OTOGL: variants seen among roughly 807,000 people sequenced by gnomAD.
OTOGL encodes otogelin like.
OTOGL carries 285 observed loss-of-function variants against 318.5 expected under a neutral mutation model. The observed-to-expected ratio is 0.89, with a 90% CI of 0.81 to 0.99. The LOEUF (loss-of-function observed/expected upper bound fraction) is 0.99. OTOGL is among the 50% of genes least tolerant of loss of function. OTOGL has a pLI of 0.00. For missense variants in OTOGL, 2,899 were observed against 2,845.6 expected (o/e 1.02, Z -0.43); for synonymous variants, 987 against 936.5 (o/e 1.05, Z -0.99).
intron 1 of OTOGL, among the ~76,000 whole-genome samples, chr12:80,116,472 G>A (rs376599531): frequency 6.6e-6 from 1 of 152,092 alleles, no homozygotes. Context: ...CCTGGGAACT[G>A]CATATAGGAG....
chr12:80,270,452 A>G (rs1397546745), intron 23 of OTOGL, among the ~76,000 whole-genome samples: 5 of 152,178 alleles, frequency 3.3e-5, no homozygotes, highest in African/African-American at 1.2e-4. Flanking sequence ...GACTTTAGGG[A>G]TATGTATCTA....
At chr12:80,249,831 G>C (rs976766522) in intron 11 of OTOGL, among the ~76,000 whole-genome samples, 1 of 152,112 alleles carries the variant, frequency 6.6e-6, no homozygotes, top group African/African-American at 2.4e-5. Flanking sequence ...CGTGGGCGTA[G>C]GACCCTCCGA....
At chr12:80,227,878 T>A (rs1374504937) in intron 7 of OTOGL, among the ~76,000 whole-genome samples, 4 of 152,152 alleles carry the variant, frequency 2.6e-5, no homozygotes, top group Admixed American at 2.6e-4. Context: ...CCCCCAGACC[T>A]TGACACATAC....
chr12:80,162,773 CA>C (rs1336051142), intron 1 of OTOGL, among the ~76,000 whole-genome samples: 1 of 152,052 alleles, frequency 6.6e-6, no homozygotes, highest in Non-Finnish European at 1.5e-5. Flanking sequence ...ACTATACCTT[CA>C]AATAATGTTA....
At chr12:80,187,814 C>G (rs184594482) in intron 1 of OTOGL, among the ~76,000 whole-genome samples, 1 of 152,266 alleles carries the variant, frequency 6.6e-6, no homozygotes, top group Non-Finnish European at 1.5e-5. Flanking sequence ...CAGATACAAG[C>G]TTGGCACCAT....
chr12:80,301,633 A>G (rs549900217), intron 27 of OTOGL, among the ~76,000 whole-genome samples: 2 of 152,254 alleles, frequency 1.3e-5, no homozygotes, highest in African/African-American at 2.4e-5. Flanking sequence ...CCCAAACCCT[A>G]TACCTTGCTG....
Position 80,370,660 on chromosome 12 carries a change from C to T in OTOGL, c.6706C>T (p.Pro2236Ser), listed in dbSNP as rs1213401293. Residue 2236 changes from proline to serine, a missense_variant, in exon 56 of 59, where the codon CCC (proline) becomes TCC (serine). Coordinates refer to ENST00000547103, the MANE Select transcript of OTOGL (RefSeq NM_001378609.3). ...AIILNYTMVCPPFNETECKMN... is the reference protein window; with the variant it reads ...AIILNYTMVCSPFNETECKMN... ...AATTCTGAACTACACAATGGTCTGT[C>T]CCCCTTTTAATGAGACTGAATGCAA... is the stretch of plus-strand genomic sequence containing the variant. 4 of 1,590,514 alleles carry T rather than the reference C, an allele frequency of 2.5e-6. No individual in the cohort carries two copies. Among genetic ancestry groups the T allele is most frequent in the East Asian group, 4.6e-5 (2 of 43,940 alleles).
At position 80,318,637 on chromosome 12, in the gene OTOGL, G is replaced by T. The variant is rs1186018789; in HGVS notation, c.3726G>T (p.Leu1242Phe). Residue 1242 changes from leucine to phenylalanine, a missense_variant, in exon 33 of 59, where the codon TTG (leucine) becomes TTT (phenylalanine). Leu to Phe is a conservative substitution (Grantham distance 22). Transcript: ENST00000547103. ...TGACCAGCAGAAGCGTTTTCTGTTT[G>T]CCGAGAAGCAGTGTTCATACCAGTT... ...ANMTSRSVFC[L>F]PRSSVHTSLF... The T allele has an allele frequency of 2.7e-6, 4 of 1,474,150 alleles. No homozygotes were observed. The highest frequency in any genetic ancestry group is 3.6e-6 in the Non-Finnish European group (4 of 1,110,924). 91.3% of individuals were successfully genotyped at this position (1,474,150 alleles called of 1,614,324 possible).
At chr12:80,199,425 T>C (rs1467110803) in intron 1 of OTOGL, among the ~76,000 whole-genome samples, 1 of 152,188 alleles carries the variant, frequency 6.6e-6, no homozygotes, top group African/African-American at 2.4e-5. Flanking sequence ...ACAATTGCAG[T>C]TGAATGATTA....
chr12:80,254,126 C>T (rs901761896), intron 14 of OTOGL, among the ~76,000 whole-genome samples: 44 of 152,056 alleles, frequency 2.9e-4, no homozygotes, highest in Admixed American at 1.4e-3. Context: ...ATTCTGTTTC[C>T]GTTTTACAGG....
intron 44 of OTOGL, among the ~76,000 whole-genome samples, chr12:80,350,977 T>C (rs866362665): frequency 6.6e-6 from 1 of 152,190 alleles, no homozygotes; most frequent in African/African-American, 2.4e-5. Flanking sequence ...AAATTACTGC[T>C]CAAACCAGTG....
chr12:80,101,880 GA>G (rs1304248130), intron 1 of OTOGL, among the ~76,000 whole-genome samples: 1 of 152,154 alleles, frequency 6.6e-6, no homozygotes, highest in Non-Finnish European at 1.5e-5. Context: ...TAATTAAACG[GA>G]AAATACTTTG....
chr12:80,126,579 A>C (rs1228776183), intron 1 of OTOGL, among the ~76,000 whole-genome samples: 1 of 152,130 alleles, frequency 6.6e-6, no homozygotes, highest in Non-Finnish European at 1.5e-5. Flanking sequence ...AGCTGAGTTC[A>C]ATTCCTGGGT....
At chr12:80,216,347 T>G (rs1476357852) in intron 4 of OTOGL, among the ~76,000 whole-genome samples, 1 of 152,220 alleles carries the variant, frequency 6.6e-6, no homozygotes, top group Non-Finnish European at 1.5e-5. Context: ...ATCTGCTACT[T>G]AATTTGACAA....
intron 26 of OTOGL, among the ~76,000 whole-genome samples, chr12:80,285,937 C>CTT (rs1884588042): frequency 6.6e-6 from 1 of 152,118 alleles, no homozygotes; most frequent in East Asian, 1.9e-4. Context: ...AGGGGGCATC[C>CTT]TTGTCTTGTG....
In OTOGL at chr12:80,367,662, C is replaced by A; in HGVS notation, c.6433C>A (p.Leu2145Met). The change falls in exon 54 of 59, where the codon CTG (leucine) becomes ATG (methionine). Residue 2145 changes from leucine (L) to methionine (M), a missense_variant. Coordinates refer to ENST00000547103, the MANE Select transcript of OTOGL (RefSeq NM_001378609.3). ...AGACTTTTGTTATGCTATAGAGTGT[C>A]TGGAAGAAAAAGATAACCATACGGG... ...EEDFCYAIEC[L>M]EEKDNHTGFH... The A allele has an allele frequency of 6.7e-7, 1 of 1,498,248 alleles. No homozygotes were observed. The highest frequency in any genetic ancestry group is 2.5e-5 in the East Asian group (1 of 40,708). The allele number at this position is 1,498,248 out of a possible 1,614,324, so 92.8% of individuals were successfully genotyped here. A position where few individuals can be genotyped will look rare whatever the true frequency, so the allele number is the denominator to read the frequency against.
chr12:80,258,612 A>T (rs1218131402), intron 18 of OTOGL, among the ~76,000 whole-genome samples: 1 of 152,162 alleles, frequency 6.6e-6, no homozygotes, highest in Non-Finnish European at 1.5e-5. Context: ...AATTTAGTGT[A>T]AATGCTTTGT....
intron 37 of OTOGL, among the ~76,000 whole-genome samples, chr12:80,330,376 T>C (rs1190723806): frequency 1.3e-5 from 2 of 152,200 alleles, no homozygotes; most frequent in African/African-American, 4.8e-5. Context: ...GGAATTACTA[T>C]ACTGTTGTGA....
chr12:80,173,301 A>G (rs1439947044), intron 1 of OTOGL, among the ~76,000 whole-genome samples: 1 of 152,050 alleles, frequency 6.6e-6, no homozygotes, highest in Non-Finnish European at 1.5e-5. Context: ...TCTTGATTAT[A>G]TGATAAACAA....
Sources: allele counts gnomAD v4.1 joint callset (sites outside exome capture counted in the v4.1 genomes callset), GRCh38; gene constraint gnomAD v4.1.1; transcripts MANE v1.5; gene names NCBI Gene and HGNC (gene_info 2026-07-23, HGNC 2026-07-21).